Variants in CDK5RAP2 observed in about 807,000 individuals in gnomAD.
CDK5RAP2 encodes the protein CDK5 regulatory subunit-associated protein 2.
Under a neutral mutation model 232.9 loss-of-function variants are expected in CDK5RAP2, and 147 were observed. The observed-to-expected ratio is 0.63, with a 90% confidence interval of 0.55 to 0.72. The LOEUF is 0.72. CDK5RAP2 is among the 30% of genes least tolerant of loss of function. The pLI is 0.00. For synonymous variants in CDK5RAP2, 833 were observed against 833.7 expected, an observed-to-expected ratio of 1.00 and a Z score of 0.01; for missense variants, 2,195 against 2,231.5, an observed-to-expected ratio of 0.98 and a Z score of 0.33.
chr9:120,558,270 G>C (rs2042314847), intron 3 of CDK5RAP2, among the ~76,000 whole-genome samples: 1 of 142,516 alleles, frequency 7.0e-6, no homozygotes, highest in Admixed American at 7.2e-5. Context: ...CTACTCCGGA[G>C]GCTGAGGCAG....
intron 22 of CDK5RAP2, among the ~76,000 whole-genome samples, chr9:120,446,584 A>G (rs1486552543): frequency 6.6e-6 from 1 of 152,148 alleles, no homozygotes; most frequent in African/African-American, 2.4e-5. Flanking sequence ...AAAACCCTCC[A>G]AAAGTTTCCA....
At chr9:120,390,598 C>T (rs2031854716) in intron 36 of CDK5RAP2, among the ~76,000 whole-genome samples, 1 of 152,224 alleles carries the variant, frequency 6.6e-6, no homozygotes. Flanking sequence ...AACACAAACT[C>T]CAGCAGTGGC....
intron 18 of CDK5RAP2, 129 bp downstream of exon 18, chr9:120,467,731 A>G: frequency 1.1e-6 from 1 of 933,888 alleles, no homozygotes; most frequent in East Asian, 2.5e-5. Context: ...CTGCAGCCTC[A>G]ACGTCCTGGG....
chr9:120,521,796 C>G (rs1312652212), intron 11 of CDK5RAP2, among the ~76,000 whole-genome samples: 1 of 151,914 alleles, frequency 6.6e-6, no homozygotes, highest in Non-Finnish European at 1.5e-5. Context: ...CAGGCGCCCA[C>G]CACCACACCT....
In CDK5RAP2 at chr9:120,487,370, T is replaced by A. The variant is rs142536951; in HGVS notation, c.1550A>T (p.Glu517Val). ...TGTTATTAAGCCTTCACTCCTGAGC[T>A]CAAGATCCTCTGCAGCCATTAAATA... ...NCYLMAAEDL[E>V]LRSEGLITEK... The change falls in exon 14 of 38, where the codon GAG (glutamate) becomes GTG (valine). Residue 517 changes from glutamate to valine, a missense_variant. Physicochemically the swap from Glu to Val is moderately radical, Grantham distance 121 (BLOSUM62 -2). Transcript: ENST00000349780. The A allele has an allele frequency of 3.7e-5, 59 of 1,613,960 alleles. No individual in the cohort carries two copies. In the African/African-American group the frequency reaches 6.7e-4, roughly 18 times the overall value.
Position 120,518,625 on chromosome 9 carries a change from A to G in CDK5RAP2, c.1113T>C (p.Thr371=), listed in dbSNP as rs746087133. 23 of 1,613,836 alleles carry G rather than the reference A, an allele frequency of 1.4e-5. No individual in the cohort carries two copies. Among genetic ancestry groups the G allele is most frequent in the Non-Finnish European group, 1.9e-5 (23 of 1,179,944 alleles). Residue 371 remains threonine (T), a synonymous_variant, in exon 12 of 38, where the codon ACT becomes ACC. Transcript: ENST00000349780. ...QEFQGSEDYE[T]ALSGKEALSA... ...AAAGGGCTTCCTTTCCTGATAGAGC[A>G]GTCTCATAGTCTTCAGACCCCTAGA...
intron 17 of CDK5RAP2, among the ~76,000 whole-genome samples, chr9:120,468,735 T>C (rs1278843866): frequency 6.6e-6 from 1 of 152,178 alleles, no homozygotes; most frequent in Non-Finnish European, 1.5e-5. Context: ...AGCAGCTGCC[T>C]CTACACAGGC....
intron 1 of CDK5RAP2, among the ~76,000 whole-genome samples, chr9:120,578,305 T>C (rs569466580): frequency 1.3e-5 from 2 of 152,160 alleles, no homozygotes; most frequent in Admixed American, 6.5e-5. Context: ...CAAATTGTAG[T>C]ATAAAAAACT....
chr9:120,520,741 G>A (rs1199705331), intron 11 of CDK5RAP2, among the ~76,000 whole-genome samples: 1 of 148,976 alleles, frequency 6.7e-6, no homozygotes, highest in Admixed American at 6.6e-5. Flanking sequence ...TATGTATCAT[G>A]TGATATCTCA....
At chr9:120,514,557 A>G (rs2040240015) in intron 12 of CDK5RAP2, among the ~76,000 whole-genome samples, 1 of 152,216 alleles carries the variant, frequency 6.6e-6, no homozygotes, top group South Asian at 2.1e-4. Context: ...CAATGAGTCC[A>G]GCCACTTGGA....
At position 120,388,972 on chromosome 9, in the gene CDK5RAP2, C is replaced by T. The variant is rs181859642; in HGVS notation, c.*264G>A. 1,004 of 561,406 alleles carry T rather than the reference C, an allele frequency of 1.8e-3. 22 individuals are homozygous for T. The Admixed American group carries it at 0.027, about 15-fold the overall frequency. 34.8% of individuals were successfully genotyped at this position (561,406 alleles called of 1,614,324 possible). ...AAGACGTGAAGCCCACCAAGGCGCA[C>T]AGCCTCAACTCCGGTGCCTGCCCCT... is the stretch of plus-strand genomic sequence containing the variant. On this transcript the variant is annotated 3_prime_UTR_variant, in exon 38 of 38. Transcript: ENST00000349780.
In CDK5RAP2 at chr9:120,518,526, G is replaced by C. The variant is rs1323587230; in HGVS notation, c.1212C>G (p.Ile404Met). ...GCTGCAAGTCACTCAGCTCCTGGGTGATCTTCTTAATGCTTCTACGCAGTC... is the reference window on the plus strand; with the variant it reads ...GCTGCAAGTCACTCAGCTCCTGGGTCATCTTCTTAATGCTTCTACGCAGTC... ...NHRLRRSIKK[I>M]TQELSDLQQE... Residue 404 changes from isoleucine to methionine, a missense_variant, in exon 12 of 38, where the codon ATC becomes ATG. Coordinates refer to ENST00000349780, the MANE Select transcript of CDK5RAP2 (RefSeq NM_018249.6). The C allele has an allele frequency of 6.2e-7, 1 of 1,613,644 alleles. No individual in the cohort carries two copies. The highest frequency in any genetic ancestry group is 2.2e-5 in the East Asian group (1 of 44,856).
intron 6 of CDK5RAP2, among the ~76,000 whole-genome samples, chr9:120,537,016 A>T (rs1018907124): frequency 1.3e-5 from 2 of 151,554 alleles, no homozygotes; most frequent in Non-Finnish European, 2.9e-5. Context: ...TCTTCCCAAG[A>T]GGTCAGAGAA....
At chr9:120,579,797 C>A in intron 1 of CDK5RAP2, 123 bp downstream of exon 1, 1 of 769,660 alleles carries the variant, frequency 1.3e-6, no homozygotes, top group Admixed American at 2.2e-5. Context: ...CCGAAGGAAC[C>A]CACCCCACAC....
At chr9:120,460,998 T>C (rs979153133) in intron 18 of CDK5RAP2, among the ~76,000 whole-genome samples, 2 of 152,240 alleles carry the variant, frequency 1.3e-5, no homozygotes, top group Non-Finnish European at 2.9e-5. Flanking sequence ...CTGCCACTCC[T>C]GCCTTTACTA....
At chr9:120,561,924 A>T (rs747919753) in intron 3 of CDK5RAP2, among the ~76,000 whole-genome samples, 2 of 152,216 alleles carry the variant, frequency 1.3e-5, no homozygotes, top group Non-Finnish European at 2.9e-5. Flanking sequence ...CCAGCTTTAC[A>T]ATCAGAAAGA....
chr9:120,411,319 T>C, intron 29 of CDK5RAP2, 39 bp downstream of exon 29: 1 of 1,223,230 alleles, frequency 8.2e-7, no homozygotes, highest in Non-Finnish European at 1.2e-6. Flanking sequence ...ACAGAAGGCT[T>C]TGGCGTTCCA....
chr9:120,472,467 C>T (rs984299542), intron 15 of CDK5RAP2, among the ~76,000 whole-genome samples: 5 of 152,120 alleles, frequency 3.3e-5, no homozygotes, highest in African/African-American at 1.2e-4. Flanking sequence ...GAAAGGGAGA[C>T]AGAGGACTCC....
In CDK5RAP2 at chr9:120,407,124, G is replaced by A. The variant is rs746393986; in HGVS notation, c.4851C>T (p.Ser1617=). 31 of 1,613,978 alleles carry A rather than the reference G, an allele frequency of 1.9e-5. No individual in the cohort carries two copies. The Admixed American group carries it at 4.3e-4, about 23-fold the overall frequency. Residue 1617 remains serine, a synonymous_variant, in exon 32 of 38, where the codon AGC becomes AGT. Transcript: ENST00000349780. Reference sequence around the variant, plus strand: ...CCCTTGCCAGCTGTTCCTTGAGCCTGCTCTGCAGAGTGCTGCTGGTTTCGA... The same window carrying A: ...CCCTTGCCAGCTGTTCCTTGAGCCTACTCTGCAGAGTGCTGCTGGTTTCGA... ...RSIETSSTLQ[S]RLKEQLARGA...
Sources: gnomAD v4.1 joint callset for allele counts (sites outside exome capture counted in the v4.1 genomes callset) on GRCh38, gnomAD v4.1.1 for gene constraint, MANE v1.5 for transcripts, NCBI Gene and HGNC (gene_info 2026-07-23, HGNC 2026-07-21) for gene names.